GPM6A: variants seen among roughly 807,000 people sequenced by gnomAD.
GPM6A encodes the protein glycoprotein M6A.
In GPM6A, 7 loss-of-function variants were observed where a neutral mutation model predicts 32.1. That is an observed-to-expected ratio of 0.22 (90% CI 0.12 to 0.41). The LOEUF (loss-of-function observed/expected upper bound fraction) is 0.41. Ranked by LOEUF, GPM6A falls within the 10% of genes least tolerant of loss-of-function variation. The pLI is 1.00. For synonymous variants in GPM6A, 130 were observed against 123.4 expected (o/e 1.05, Z -0.35); for missense variants, 235 against 347.2 (o/e 0.68, Z 2.57).
intron 4 of GPM6A, among the ~76,000 whole-genome samples, chr4:175,644,716 G>A (rs1018297976): frequency 6.6e-6 from 1 of 151,896 alleles, no homozygotes; most frequent in African/African-American, 2.4e-5. Context: ...TCTAAATATT[G>A]AATATATATA....
intron 3 of GPM6A, among the ~76,000 whole-genome samples, chr4:175,668,542 T>TGTGTGTGTGTGTGTG (rs1560863089): frequency 5.9e-5 from 9 of 151,634 alleles, no homozygotes; most frequent in Admixed American, 1.3e-4. Context: ...TGTGTGTGTG[T>TGTGTGTGTGTGTGTG]TTATTTTAAA....
At chr4:175,763,319 G>A (rs1203866192) in intron 1 of GPM6A, among the ~76,000 whole-genome samples, 5 of 152,126 alleles carry the variant, frequency 3.3e-5, no homozygotes, top group African/African-American at 1.2e-4. Context: ...GCCCAGAAAT[G>A]CATTTTTAAA....
chr4:175,747,727 T>C (rs567319645), intron 1 of GPM6A, among the ~76,000 whole-genome samples: 1 of 152,280 alleles, frequency 6.6e-6, no homozygotes, highest in East Asian at 1.9e-4. Context: ...TGCTAACAGA[T>C]CAGGGTGGTG....
intron 1 of GPM6A, among the ~76,000 whole-genome samples, chr4:175,875,620 G>A (rs552418008): frequency 2.0e-5 from 3 of 152,090 alleles, no homozygotes; most frequent in Admixed American, 1.3e-4. Flanking sequence ...TTGGACAGTC[G>A]AGATGCTGGT....
intron 1 of GPM6A, among the ~76,000 whole-genome samples, chr4:175,711,418 A>C: frequency 3.6e-5 from 1 of 27,636 alleles, no homozygotes; most frequent in South Asian, 1.2e-3. Flanking sequence ...AAATATATAT[A>C]TATATATATA....
intron 1 of GPM6A, among the ~76,000 whole-genome samples, chr4:175,873,116 T>C (rs1736962974): frequency 6.6e-6 from 1 of 152,162 alleles, no homozygotes; most frequent in African/African-American, 2.4e-5. Flanking sequence ...GATAGATATG[T>C]TAATTTTCAG....
intron 1 of GPM6A, among the ~76,000 whole-genome samples, chr4:175,757,861 T>C (rs1732590087): frequency 1.3e-5 from 2 of 152,154 alleles, no homozygotes; most frequent in South Asian, 2.1e-4. Context: ...CGAATAAGTA[T>C]AAAAATGTAC....
chr4:175,825,404 C>T (rs752006889), intron 1 of GPM6A, among the ~76,000 whole-genome samples: 6 of 152,156 alleles, frequency 3.9e-5, no homozygotes, highest in Non-Finnish European at 7.3e-5. Flanking sequence ...CTTACCATTG[C>T]CCAGAGGTAA....
chr4:175,689,445 C>T (rs1560876568), intron 2 of GPM6A, among the ~76,000 whole-genome samples: 1 of 128,894 alleles, frequency 7.8e-6, no homozygotes, highest in Non-Finnish European at 1.8e-5. Flanking sequence ...TTATTTATAG[C>T]GTTTTTTTTT....
intron 1 of GPM6A, among the ~76,000 whole-genome samples, chr4:175,867,096 G>A (rs922765889): frequency 6.6e-6 from 1 of 152,030 alleles, no homozygotes; most frequent in Non-Finnish European, 1.5e-5. Context: ...ACTTTTTAAC[G>A]GGGATTTTTA....
At chr4:175,665,001 G>C (rs1742656330) in intron 3 of GPM6A, among the ~76,000 whole-genome samples, 1 of 152,170 alleles carries the variant, frequency 6.6e-6, no homozygotes, top group South Asian at 2.1e-4. Flanking sequence ...AGGATGGTAA[G>C]TATTTGTGTC....
At chr4:175,750,535 G>A (rs1306690877) in intron 1 of GPM6A, among the ~76,000 whole-genome samples, 2 of 151,910 alleles carry the variant, frequency 1.3e-5, no homozygotes, top group African/African-American at 4.8e-5. Context: ...ATAAAAGAAA[G>A]TGTATGTATA....
At chr4:175,683,751 C>A (rs1479161267) in intron 2 of GPM6A, among the ~76,000 whole-genome samples, 1 of 151,970 alleles carries the variant, frequency 6.6e-6, no homozygotes, top group African/African-American at 2.4e-5. Context: ...TAGGAAGATT[C>A]CTGAGGACTG....
At chr4:175,993,203 T>C (rs1167312047) in intron 1 of GPM6A, among the ~76,000 whole-genome samples, 1 of 150,904 alleles carries the variant, frequency 6.6e-6, no homozygotes, top group Non-Finnish European at 1.5e-5. Flanking sequence ...TTTTTCCTAG[T>C]CCTTGTAATC....
At chr4:175,683,049 C>T (rs1743776593) in intron 2 of GPM6A, among the ~76,000 whole-genome samples, 1 of 152,146 alleles carries the variant, frequency 6.6e-6, no homozygotes, top group Admixed American at 6.5e-5. Context: ...AATATGCAGG[C>T]ACTTAAATCC....
At chr4:175,849,480 G>A (rs965338194) in intron 1 of GPM6A, among the ~76,000 whole-genome samples, 2 of 152,182 alleles carry the variant, frequency 1.3e-5, no homozygotes, top group African/African-American at 4.8e-5. Context: ...CACTGGACAT[G>A]TAGCACCACC....
chr4:175,729,309 G>A (rs1188680248), intron 1 of GPM6A, among the ~76,000 whole-genome samples: 7 of 151,914 alleles, frequency 4.6e-5, no homozygotes, highest in Non-Finnish European at 1.0e-4. Context: ...CCTACTCTAG[G>A]GATTATAGAA....
chr4:175,801,813 A>T (rs1261252327), intron 1 of GPM6A, among the ~76,000 whole-genome samples: 2 of 152,134 alleles, frequency 1.3e-5, no homozygotes, highest in Non-Finnish European at 2.9e-5. Flanking sequence ...AAATATTGCA[A>T]TGATTATATA....
intron 1 of GPM6A, among the ~76,000 whole-genome samples, chr4:175,912,558 G>A (rs1738355885): frequency 6.6e-6 from 1 of 152,144 alleles, no homozygotes; most frequent in South Asian, 2.1e-4. Context: ...GGGAGTCTGA[G>A]GCAGGAGAAT....
Sources: gnomAD v4.1 joint callset for allele counts (sites outside exome capture counted in the v4.1 genomes callset) on GRCh38, gnomAD v4.1.1 for gene constraint, MANE v1.5 for transcripts, NCBI Gene and HGNC (gene_info 2026-07-23, HGNC 2026-07-21) for gene names.